Variants in SLC12A7 observed in about 807,000 individuals in gnomAD.
SLC12A7 encodes K-Cl cotransporter 4.
In SLC12A7, 100 loss-of-function variants were observed where a neutral mutation model predicts 120.6. That is an observed-to-expected ratio of 0.83 (90% CI 0.71 to 0.98). The LOEUF is 0.98. Among genes scored for constraint, SLC12A7 ranks in the 50% least tolerant of loss-of-function variants. The pLI is 0.00. For synonymous variants in SLC12A7, 760 were observed against 678.0 expected (o/e 1.12, Z -1.88); for missense variants, 1,373 against 1,548.1 (o/e 0.89, Z 1.90).
At chr5:1,097,441 G>GA (rs920824628) in intron 1 of SLC12A7, among the ~76,000 whole-genome samples, 3 of 152,052 alleles carry the variant, frequency 2.0e-5, no homozygotes, top group African/African-American at 7.2e-5. Context: ...TATGCAGTTG[G>GA]AAAAAAGCAC....
intron 7 of SLC12A7, 76 bp from the exon 8 acceptor site, chr5:1,084,032 G>A (rs1739528295): frequency 6.1e-6 from 8 of 1,312,080 alleles, no homozygotes; most frequent in South Asian, 3.7e-5. Context: ...CTCCCCCAAC[G>A]GGCACCCATG....
the SLC12A7 span, among the ~76,000 whole-genome samples, chr5:1,124,286 G>A: frequency 6.6e-6 from 1 of 152,152 alleles, no homozygotes; most frequent in South Asian, 2.1e-4. Context: ...TGTTTTCGAG[G>A]AGAAAAGGAA....
In SLC12A7 at chr5:1,110,954, G is replaced by A. The variant is rs143784028; in HGVS notation, c.124+914C>T. Among the ~76,000 whole-genome samples the A allele has an allele frequency of 3.2e-3, 484 of 152,344 alleles. 2 individuals are homozygous for A. Among genetic ancestry groups the A allele is most frequent in the Middle Eastern group, 0.014 (4 of 294 alleles). ...CTGCCCGGGATGGTGGGTTAGGAAGGATCTGGGGTCTGGCACCGGACTTGT... is the reference window on the plus strand; with the variant it reads ...CTGCCCGGGATGGTGGGTTAGGAAGAATCTGGGGTCTGGCACCGGACTTGT... On this transcript the variant is annotated intron_variant, in intron 1 of 23. Coordinates refer to ENST00000264930, the MANE Select transcript of SLC12A7 (RefSeq NM_006598.3).
In SLC12A7 at chr5:1,075,382, G is replaced by C. The variant is rs369423480; in HGVS notation, c.1956C>G (p.Ile652Met). 3.1e-6 allele frequency: 5 copies of C among 1,611,734 alleles called. No individual in the cohort carries two copies. The highest frequency in any genetic ancestry group is 4.2e-6 in the Non-Finnish European group (5 of 1,179,086). The change falls in exon 15 of 24, where the codon ATC (isoleucine) becomes ATG (methionine). Residue 652 changes from isoleucine to methionine, a missense_variant. By Grantham distance (10) the Ile-to-Met change is conservative. Transcript: ENST00000264930. ...MLIAGCIYKY[I>M]EYRGAEKEWG... ...CTGACAGCGCTTACCCGCGGTACTCGATGTACTTGTAGATGCAGCCAGCGA... is the reference window on the plus strand; with the variant it reads ...CTGACAGCGCTTACCCGCGGTACTCCATGTACTTGTAGATGCAGCCAGCGA...
At chr5:1,146,962 C>T in the SLC12A7 span, among the ~76,000 whole-genome samples, 1 of 152,186 alleles carries the variant, frequency 6.6e-6, no homozygotes, top group Non-Finnish European at 1.5e-5. This position sits in a 1 kb window ranked among gnomAD's most constrained non-coding sequence, Gnocchi z 6.5. Flanking sequence ...CGTGTCACTG[C>T]ACAGTCACTC....
intron 15 of SLC12A7, among the ~76,000 whole-genome samples, chr5:1,074,936 A>T (rs11133613): frequency 6.6e-6 from 1 of 152,006 alleles, no homozygotes; most frequent in African/African-American, 2.4e-5. Context: ...AGGACGGGGG[A>T]CAGGAGGCCC....
chr5:1,061,660 G>A lies in SLC12A7; in HGVS notation c.2740-1209C>T, dbSNP rs1736298895. On this transcript the variant is annotated intron_variant, in intron 20 of 23. Coordinates refer to ENST00000264930, the MANE Select transcript of SLC12A7 (RefSeq NM_006598.3). ...CTGTTAAGCACCAGTATTTAAAACAGCACACCAGATCAGGTGCGGTGGCTC... is the reference window on the plus strand; with the variant it reads ...CTGTTAAGCACCAGTATTTAAAACAACACACCAGATCAGGTGCGGTGGCTC... 2.0e-5 allele frequency among the ~76,000 whole-genome samples: 3 copies of A among 152,232 alleles called. No homozygotes were observed. The South Asian group carries it at 6.2e-4, about 31-fold the overall frequency.
chr5:1,124,041 G>A, the SLC12A7 span, among the ~76,000 whole-genome samples: 1 of 152,128 alleles, frequency 6.6e-6, no homozygotes, highest in Non-Finnish European at 1.5e-5. Context: ...TTTTCTCAGG[G>A]TGATAAGTTA....
intron 13 of SLC12A7, 127 bp from the exon 14 acceptor site, chr5:1,076,363 T>A (rs1358705109): frequency 4.2e-6 from 2 of 481,122 alleles, no homozygotes; most frequent in Middle Eastern, 3.5e-4. Flanking sequence ...TGTCTGTCTC[T>A]GCACGTGAGC....
intron 17 of SLC12A7, among the ~76,000 whole-genome samples, chr5:1,066,429 G>A (rs1207164651): frequency 6.6e-6 from 1 of 152,212 alleles, no homozygotes; most frequent in Non-Finnish European, 1.5e-5. Context: ...GTGCAGGCCT[G>A]AGACTTCAGG....
the SLC12A7 span, among the ~76,000 whole-genome samples, chr5:1,129,976 G>C: frequency 4.2e-4 from 64 of 152,018 alleles, no homozygotes; most frequent in African/African-American, 1.5e-3. Context: ...GGACGCCCTG[G>C]CCAGCTGGGG....
chr5:1,117,413 T>A, the SLC12A7 span, among the ~76,000 whole-genome samples: 1 of 152,240 alleles, frequency 6.6e-6, no homozygotes, highest in Admixed American at 6.5e-5. This position sits in a 1 kb window ranked among gnomAD's most constrained non-coding sequence, Gnocchi z 4.5. Flanking sequence ...TGGGAGGAAC[T>A]TAGTTTATAG....
At chr5:1,123,375 G>A in the SLC12A7 span, among the ~76,000 whole-genome samples, 1 of 152,128 alleles carries the variant, frequency 6.6e-6, no homozygotes, top group African/African-American at 2.4e-5. Context: ...TGAACCCTTG[G>A]GTCCCAGCAC....
intron 22 of SLC12A7, among the ~76,000 whole-genome samples, chr5:1,053,865 G>A (rs560630842): frequency 1.3e-5 from 2 of 152,230 alleles, no homozygotes; most frequent in Non-Finnish European, 2.9e-5. Context: ...CGCCTTCAAG[G>A]CTGACACGCT....
At chr5:1,092,361 C>T (rs1297525379) in intron 3 of SLC12A7, among the ~76,000 whole-genome samples, 2 of 152,280 alleles carry the variant, frequency 1.3e-5, no homozygotes, top group South Asian at 2.1e-4. Flanking sequence ...AGGAGCCGGC[C>T]GACGGACGCC....
chr5:1,121,595 G>T, the SLC12A7 span, among the ~76,000 whole-genome samples: 2 of 152,228 alleles, frequency 1.3e-5, no homozygotes, highest in African/African-American at 4.8e-5. Context: ...ACCCAGAGAG[G>T]CAGTGTGACC....
the SLC12A7 span, among the ~76,000 whole-genome samples, chr5:1,131,504 G>C: frequency 6.6e-6 from 1 of 152,214 alleles, no homozygotes; most frequent in Non-Finnish European, 1.5e-5. Context: ...ACCGGCCCTG[G>C]TGGTCAACAC....
chr5:1,142,508 C>G, the SLC12A7 span, among the ~76,000 whole-genome samples: 1 of 86,042 alleles, frequency 1.2e-5, no homozygotes, highest in Admixed American at 1.2e-4. Flanking sequence ...ACTCCCCTCT[C>G]TCCCCTCTCC....
chr5:1,054,807 CCTT>C (rs956828377), intron 22 of SLC12A7, among the ~76,000 whole-genome samples: 4 of 152,252 alleles, frequency 2.6e-5, no homozygotes, highest in Admixed American at 1.3e-4. Context: ...CAGGGAGAGA[CCTT>C]CTATCTTCTC....
Sources: allele counts gnomAD v4.1 joint callset (sites outside exome capture counted in the v4.1 genomes callset), GRCh38; gene constraint gnomAD v4.1.1; non-coding constraint Gnocchi (gnomAD v3.1); transcripts MANE v1.5; gene names NCBI Gene and HGNC (gene_info 2026-07-23, HGNC 2026-07-21).